ASIC4: variants seen among roughly 807,000 people sequenced by gnomAD.
ASIC4 encodes acid-sensing ion channel 4.
Under a neutral mutation model 53.4 loss-of-function variants are expected in ASIC4, and 28 were observed. The ratio of observed to expected loss-of-function variants is 0.52; its 90% CI spans 0.39 to 0.72. The LOEUF is 0.72. ASIC4 is among the 30% of genes least tolerant of loss of function. The probability of loss-of-function intolerance (pLI) is 0.00; values close to 1 mark genes in which losing one functional copy is unlikely to be tolerated. For synonymous variants in ASIC4, 289 were observed against 301.4 expected (o/e 0.96, Z 0.43); for missense variants, 649 against 729.7 (o/e 0.89, Z 1.27).
chr2:219,512,305 C>T (rs959093474), upstream of ASIC4, among the ~76,000 whole-genome samples: 8 of 152,058 alleles, frequency 5.3e-5, no homozygotes, highest in East Asian at 1.9e-4. Context: ...AGTATGTTGT[C>T]GGGGAAGTGT....
upstream of ASIC4, among the ~76,000 whole-genome samples, chr2:219,510,207 A>C (rs1694683522): frequency 1.3e-5 from 2 of 149,812 alleles, no homozygotes; most frequent in African/African-American, 4.9e-5. The surrounding 1 kb of genome is among the most constrained non-coding windows in gnomAD (Gnocchi z 5.2). Flanking sequence ...CCACCCCCCA[A>C]TTCCCACACC....
rs752870201 is a variant in ASIC4 at position 219,531,920 on chromosome 2, G to C, written c.727+18G>C. ...GGAGACAAGTACGCAGGCCGGAAAG[G>C]GACAAGGGCCACCTTGGGGACTGGG... is the stretch of plus-strand genomic sequence containing the variant. On this transcript the variant is annotated intron_variant, in intron 2 of 9. Transcript: ENST00000358078. 1 of 1,611,380 alleles carries C rather than the reference G, an allele frequency of 6.2e-7. No individual in the cohort carries two copies. The highest frequency in any genetic ancestry group is 8.5e-7 in the Non-Finnish European group (1 of 1,178,198).
intron 1 of ASIC4, among the ~76,000 whole-genome samples, chr2:219,520,694 T>C (rs879732748): frequency 1.3e-5 from 2 of 152,240 alleles, no homozygotes; most frequent in Admixed American, 1.3e-4. Flanking sequence ...TCCAGCCCTC[T>C]GTTCCCTGTG....
At chr2:219,522,018 G>T (rs541516785) in intron 1 of ASIC4, among the ~76,000 whole-genome samples, 1 of 152,338 alleles carries the variant, frequency 6.6e-6, no homozygotes, top group South Asian at 2.1e-4. Flanking sequence ...TGTTTTCTAG[G>T]AAGAGGTGGG....
In ASIC4 at chr2:219,531,993, C is replaced by T. The variant is rs1410741816; in HGVS notation, c.728-8C>T. 1 of 1,614,152 alleles carries T rather than the reference C, an allele frequency of 6.2e-7. No homozygotes were observed. Among genetic ancestry groups the T allele is most frequent in the Non-Finnish European group, 8.5e-7 (1 of 1,179,976 alleles). Reference sequence around the variant, plus strand: ...GGGTTTCCAAAGGTCCCCATCTCTGCTGTGCAGATGAGACGTCGTTTGAGG... The same window carrying T: ...GGGTTTCCAAAGGTCCCCATCTCTGTTGTGCAGATGAGACGTCGTTTGAGG... On this transcript the variant is annotated splice_region_variant and splice_polypyrimidine_tract_variant and intron_variant, in intron 2 of 9. Coordinates refer to ENST00000358078, the MANE Select transcript of ASIC4 (RefSeq NM_018674.6).
At chr2:219,510,976 C>T (rs531603666), upstream of ASIC4, among the ~76,000 whole-genome samples, 25 of 152,306 alleles carry the variant, frequency 1.6e-4, no homozygotes, top group East Asian at 4.2e-3. The surrounding 1 kb of genome is among the most constrained non-coding windows in gnomAD (Gnocchi z 5.2). Flanking sequence ...TGTGTGCTCA[C>T]CAGCCAGGCC....
chr2:219,532,744 G>A, intron 4 of ASIC4, 139 bp from the exon 5 acceptor site: 4 of 912,358 alleles, frequency 4.4e-6, no homozygotes, highest in Non-Finnish European at 6.7e-6. Flanking sequence ...GTATTTGTGG[G>A]GGTTGTGTGT....
chr2:219,523,002 C>G (rs1381353720), intron 1 of ASIC4, among the ~76,000 whole-genome samples: 1 of 152,062 alleles, frequency 6.6e-6, no homozygotes, highest in East Asian at 1.9e-4. Context: ...GTGGGCCAGG[C>G]CTGGGCGGCC....
chr2:219,531,617 C>T (rs946344819), intron 1 of ASIC4, 141 bp from the exon 2 acceptor site: 1 of 925,264 alleles, frequency 1.1e-6, no homozygotes, highest in Non-Finnish European at 1.6e-6. Context: ...ATTGGAGAGG[C>T]TGGGCTGTAC....
In ASIC4 at chr2:219,531,686, G is replaced by A. The variant is rs190515389; in HGVS notation, c.583-72G>A. On this transcript the variant is annotated intron_variant, in intron 1 of 9. Coordinates refer to ENST00000358078, the MANE Select transcript of ASIC4 (RefSeq NM_018674.6). ...AGCAGATCTGGTGGCCCTCAGCAGG[G>A]AGCAGGGAACTTCGGAGTTGCCTTG... is the stretch of plus-strand genomic sequence containing the variant. The A allele has an allele frequency of 4.8e-4, 720 of 1,508,398 alleles. 4 individuals carry two copies. The Middle Eastern group carries it at 0.017, about 35-fold the overall frequency. The allele number at this position is 1,508,398 out of a possible 1,614,324, so 93.4% of individuals were successfully genotyped here.
At chr2:219,524,931 C>G (rs965059538) in intron 1 of ASIC4, among the ~76,000 whole-genome samples, 1 of 152,236 alleles carries the variant, frequency 6.6e-6, no homozygotes, top group Admixed American at 6.5e-5. Flanking sequence ...TCACCCCTCC[C>G]TTGAGCACCT....
At chr2:219,531,571 A>C (rs575926850) in intron 1 of ASIC4, among the ~76,000 whole-genome samples, 187 bp from the exon 2 acceptor site, 1 of 152,184 alleles carries the variant, frequency 6.6e-6, no homozygotes, top group African/African-American at 2.4e-5. Flanking sequence ...CTTTCTAATC[A>C]TCTAAGGGAG....
rs1186018308 is a variant in ASIC4 at position 219,514,857 on chromosome 2, T to C, written c.133T>C (p.Phe45Leu). The change falls in exon 1 of 10, where the codon TTT (phenylalanine) becomes CTT (leucine). Residue 45 changes from phenylalanine to leucine, a missense_variant. Transcript: ENST00000358078. The part of the protein sequence containing the change: ...PGAAPRDLAT[F>L]ASTSTLHGLG... ...AGCAGCCCCCCGAGACCTGGCCACC[T>C]TTGCCAGCACCAGCACCCTGCATGG... The C allele has an allele frequency of 6.2e-7, 1 of 1,612,020 alleles. No homozygotes were observed. The highest frequency in any genetic ancestry group is 8.5e-7 in the Non-Finnish European group (1 of 1,179,776).
chr2:219,519,814 G>A (rs1402918747), intron 1 of ASIC4, among the ~76,000 whole-genome samples: 1 of 152,144 alleles, frequency 6.6e-6, no homozygotes, highest in East Asian at 1.9e-4. Flanking sequence ...GTAGCTGCGG[G>A]CTGTGACTGG....
Position 219,537,205 on chromosome 2 carries a change from CG to C in ASIC4, c.1322-35del, listed in dbSNP as rs764749525. On this transcript the variant is annotated intron_variant, in intron 7 of 9. Transcript: ENST00000358078. This position sits in a 1 kb window ranked among gnomAD's most constrained non-coding sequence, Gnocchi z 4.9. ...CAGCTTGTGTGGGGGTGGATCGGCC[CG>C]GCCGCTCCCTCTGACACTGCTCTCC... 1 of 1,611,414 alleles carries C rather than the reference CG, an allele frequency of 6.2e-7. No individual in the cohort carries two copies. The highest frequency in any genetic ancestry group is 8.5e-7 in the Non-Finnish European group (1 of 1,177,946).
the ASIC4 span, among the ~76,000 whole-genome samples, chr2:219,508,048 T>C: frequency 6.6e-6 from 1 of 152,064 alleles, no homozygotes. Flanking sequence ...CAGTGTGGGG[T>C]TTAGCAGTCC....
chr2:219,528,037 C>T (rs1438730319), intron 1 of ASIC4, among the ~76,000 whole-genome samples: 1 of 152,244 alleles, frequency 6.6e-6, no homozygotes, highest in Non-Finnish European at 1.5e-5. Flanking sequence ...ACGTGGGTAC[C>T]CCACGTCGCC....
intron 1 of ASIC4, among the ~76,000 whole-genome samples, chr2:219,525,990 G>C (rs1176093566): frequency 6.6e-6 from 1 of 152,204 alleles, no homozygotes; most frequent in Non-Finnish European, 1.5e-5. Context: ...GATTAGCTCT[G>C]GGATTAGCCT....
chr2:219,527,886 AG>A (rs954048106), intron 1 of ASIC4, among the ~76,000 whole-genome samples: 2 of 152,194 alleles, frequency 1.3e-5, no homozygotes, highest in Non-Finnish European at 1.5e-5. Flanking sequence ...GGATGCCAAG[AG>A]GGAAACAGGA....
Sources: gnomAD v4.1 joint callset for allele counts (sites outside exome capture counted in the v4.1 genomes callset) on GRCh38, gnomAD v4.1.1 for gene constraint, Gnocchi (gnomAD v3.1) non-coding constraint, MANE v1.5 for transcripts, NCBI Gene and HGNC (gene_info 2026-07-23, HGNC 2026-07-21) for gene names.